DNAH7: variants seen among roughly 807,000 people sequenced by gnomAD.
The protein encoded by DNAH7 is axonemal beta dynein heavy chain 7.
Under a neutral mutation model 444.6 loss-of-function variants are expected in DNAH7, and 397 were observed. The observed-to-expected ratio is 0.89, with a 90% CI of 0.82 to 0.97. DNAH7 has a LOEUF of 0.97. Among genes scored for constraint, DNAH7 ranks in the 50% least tolerant of loss-of-function variants. DNAH7 has a pLI of 0.00. For synonymous variants in DNAH7, 1,636 were observed against 1,624.4 expected, an observed-to-expected ratio of 1.01 and a Z score of -0.17; for missense variants, 4,902 against 4,800.8, an observed-to-expected ratio of 1.02 and a Z score of -0.62.
Position 195,900,288 on chromosome 2 carries a change from AT to A in DNAH7, c.4541del (p.Asn1514IlefsTer2). ...AVKSVLTAAG[N>X]LKLKYPNENE... ...GAAATATTGTGTTCTCTACCTTCAG[AT>A]TCCCAGCAGCAGTAAGAACTGACTT... is the stretch of plus-strand genomic sequence containing the variant. On this transcript the variant is annotated frameshift_variant, in exon 28 of 65. Coordinates refer to ENST00000312428, the MANE Select transcript of DNAH7 (RefSeq NM_018897.3). LOFTEE classifies it high-confidence loss of function. 1 of 1,613,948 alleles carries A rather than the reference AT, an allele frequency of 6.2e-7. No homozygotes were observed. Among genetic ancestry groups the A allele is most frequent in the Non-Finnish European group, 8.5e-7 (1 of 1,179,824 alleles).
intron 24 of DNAH7, among the ~76,000 whole-genome samples, chr2:195,913,003 T>A (rs766558209): frequency 6.6e-6 from 1 of 152,178 alleles, no homozygotes; most frequent in Non-Finnish European, 1.5e-5. Flanking sequence ...ATGACACTTA[T>A]AATTAATATT....
At chr2:195,910,319 C>T in intron 24 of DNAH7, 124 bp from the exon 25 acceptor site, 1 of 757,628 alleles carries the variant, frequency 1.3e-6, no homozygotes, top group Non-Finnish European at 2.0e-6. Context: ...TAATTTCTTC[C>T]TTCCCAGTAA....
chr2:195,857,291 T>A, intron 44 of DNAH7, 86 bp downstream of exon 44: 1 of 1,212,748 alleles, frequency 8.2e-7, no homozygotes, highest in Non-Finnish European at 1.1e-6. Context: ...GCCTCTCACT[T>A]ACATAACTTT....
At chr2:195,926,405 C>A in intron 22 of DNAH7, 21 bp downstream of exon 22, 3 of 1,483,104 alleles carry the variant, frequency 2.0e-6, no homozygotes, top group South Asian at 1.5e-5. Flanking sequence ...TAAAAAAACC[C>A]GAGGGTTAAT....
intron 19 of DNAH7, among the ~76,000 whole-genome samples, chr2:195,951,590 T>C (rs7609073): frequency 0.16 from 24,432 of 152,016 alleles, 2,437 homozygotes; most frequent in African/African-American, 0.27. Flanking sequence ...CTTAGGTCTC[T>C]AAGAACTTGC....
At chr2:195,739,334 C>G (rs1692848622) in intron 64 of DNAH7, among the ~76,000 whole-genome samples, 1 of 152,180 alleles carries the variant, frequency 6.6e-6, no homozygotes, top group African/African-American at 2.4e-5. Flanking sequence ...GATCCTGTTA[C>G]AGTTGCTCTG....
intron 15 of DNAH7, among the ~76,000 whole-genome samples, chr2:195,981,406 A>G (rs1334852099): frequency 3.3e-5 from 5 of 152,092 alleles, no homozygotes; most frequent in African/African-American, 7.2e-5. Flanking sequence ...AAATGTCCAT[A>G]CTACCCCAAA....
intron 5 of DNAH7, among the ~76,000 whole-genome samples, chr2:196,039,788 C>CAAAAAAAAAAA (rs34592815): frequency 1.3e-5 from 1 of 79,660 alleles, no homozygotes. Flanking sequence ...GATTCTGCCT[C>CAAAAAAAAAAA]AAAAAAAAAA....
chr2:195,927,488 T>C (rs1489801), intron 21 of DNAH7, among the ~76,000 whole-genome samples: 5,044 of 151,514 alleles, frequency 0.033, 279 homozygotes, highest in African/African-American at 0.11. Context: ...AATGGACAGC[T>C]GAGGGATGAG....
In DNAH7 at chr2:195,933,173, G is replaced by A. The variant is rs557368986; in HGVS notation, c.3471+1418C>T. Among the ~76,000 whole-genome samples, 291 of 152,306 alleles carry A rather than the reference G, an allele frequency of 1.9e-3. 1 individual carries two copies. The highest frequency in any genetic ancestry group is 6.6e-3 in the African/African-American group (273 of 41,566). On this transcript the variant is annotated intron_variant, in intron 21 of 64. Coordinates refer to ENST00000312428, the MANE Select transcript of DNAH7 (RefSeq NM_018897.3). ...AAATGCTCATCATCACTGGCCATCA[G>A]AGAAATGCAAATCAAAACCACAATG...
At chr2:196,004,962 CAAAAAAAAAAAAAA>C (rs60564090) in intron 10 of DNAH7, among the ~76,000 whole-genome samples, 1 of 63,654 alleles carries the variant, frequency 1.6e-5, no homozygotes, top group South Asian at 6.6e-4. Flanking sequence ...GGCCTTGTGT[CAAAAAAAAAAAAAA>C]AAAAAAAAAA....
chr2:196,065,955 C>A (rs1698406548), intron 1 of DNAH7, among the ~76,000 whole-genome samples: 2 of 152,214 alleles, frequency 1.3e-5, no homozygotes, highest in African/African-American at 4.8e-5. Flanking sequence ...AACACCTCTA[C>A]AAATGGTCTT....
At chr2:195,884,528 GTCAGAGAGGGGACTCT>G in intron 35 of DNAH7, 41 bp downstream of exon 35, 1 of 1,299,866 alleles carries the variant, frequency 7.7e-7, no homozygotes, top group Non-Finnish European at 1.1e-6. Context: ...TATGCTATGT[GTCAGAGAGGGGACTCT>G]GCCAGGCTGG....
intron 57 of DNAH7, among the ~76,000 whole-genome samples, chr2:195,793,441 G>C (rs1485689385): frequency 1.3e-5 from 2 of 152,156 alleles, no homozygotes; most frequent in Non-Finnish European, 2.9e-5. Flanking sequence ...GGGAGGGTTT[G>C]AGTTAAAATT....
In DNAH7 at chr2:195,808,668, G is replaced by C. The variant is rs1490351991; in HGVS notation, c.10083+14C>G. 10 of 1,611,240 alleles carry C rather than the reference G, an allele frequency of 6.2e-6. No homozygotes were observed. Among genetic ancestry groups the C allele is most frequent in the Non-Finnish European group, 7.6e-6 (9 of 1,179,084 alleles). On this transcript the variant is annotated intron_variant, in intron 53 of 64. Coordinates refer to ENST00000312428, the MANE Select transcript of DNAH7 (RefSeq NM_018897.3). ...TTTAAAAACATTGGAATAAGTGAGAGGGTTAAAACATACCAAACTATCATA... is the reference window on the plus strand; with the variant it reads ...TTTAAAAACATTGGAATAAGTGAGACGGTTAAAACATACCAAACTATCATA...
chr2:196,048,318 A>T lies in DNAH7; in HGVS notation c.228T>A (p.Ser76Arg). 6.2e-7 allele frequency: 1 copy of T among 1,613,708 alleles called. No homozygotes were observed. Among genetic ancestry groups the T allele is most frequent in the African/African-American group, 1.3e-5 (1 of 75,046 alleles). ...KQDDESPEPF[S>R]VKNEQSHAEY... is the part of the protein sequence containing the mutation. Reference sequence around the variant, plus strand: ...TACCATGGGACTGTTCATTTTTAACACTAAATGGTTCTGGACTCTCATCAT... The same window carrying T: ...TACCATGGGACTGTTCATTTTTAACTCTAAATGGTTCTGGACTCTCATCAT... The change falls in exon 4 of 65, where the codon AGT becomes AGA. Residue 76 changes from serine (S) to arginine (R), a missense_variant. Physicochemically the swap from Ser to Arg is moderately radical, Grantham distance 110. Coordinates refer to ENST00000312428, the MANE Select transcript of DNAH7 (RefSeq NM_018897.3).
Position 195,877,191 on chromosome 2 carries a change from C to T in DNAH7, c.5962-492G>A, listed in dbSNP as rs150282493. Reference sequence around the variant, plus strand: ...TCTTAATCAAGATGTATGCCAGGGACAGGACATACCAGAATTCCCTGAGGA... The same window carrying T: ...TCTTAATCAAGATGTATGCCAGGGATAGGACATACCAGAATTCCCTGAGGA... On this transcript the variant is annotated intron_variant, in intron 36 of 64. Coordinates refer to ENST00000312428, the MANE Select transcript of DNAH7 (RefSeq NM_018897.3). 8.0e-3 allele frequency among the ~76,000 whole-genome samples: 1,225 copies of T among 152,328 alleles called. 11 individuals carry two copies. Among genetic ancestry groups the T allele is most frequent in the South Asian group, 0.021 (103 of 4,826 alleles).
chr2:195,808,646 A>T lies in DNAH7; in HGVS notation c.10083+36T>A, dbSNP rs770956821. On this transcript the variant is annotated intron_variant, in intron 53 of 64. Coordinates refer to ENST00000312428, the MANE Select transcript of DNAH7 (RefSeq NM_018897.3). ...ATACTTAACATTCTTTTCTCCATTT[A>T]AAAACATTGGAATAAGTGAGAGGGT... is the stretch of plus-strand genomic sequence containing the variant. 1.6e-5 allele frequency: 25 copies of T among 1,596,976 alleles called. No homozygotes were observed. The Middle Eastern group carries it at 5.0e-4, about 32-fold the overall frequency.
intron 42 of DNAH7, among the ~76,000 whole-genome samples, chr2:195,859,178 T>G (rs754835740): frequency 1.3e-5 from 2 of 152,186 alleles, no homozygotes; most frequent in African/African-American, 2.4e-5. Flanking sequence ...TTAAACCTTT[T>G]TATGATCACT....
Sources: allele counts gnomAD v4.1 joint callset (sites outside exome capture counted in the v4.1 genomes callset), GRCh38; gene constraint gnomAD v4.1.1; transcripts MANE v1.5; gene names NCBI Gene and HGNC (gene_info 2026-07-23, HGNC 2026-07-21).